The following PTPRO variants were observed in gnomAD, a reference collection of about 807,000 sequenced individuals.
PTPRO encodes the protein protein tyrosine phosphatase receptor type O, also known as receptor-type tyrosine-protein phosphatase O.
In PTPRO, 62 loss-of-function variants were observed where a neutral mutation model predicts 145.2. That is an observed-to-expected ratio of 0.43 (90% CI 0.35 to 0.53). The LOEUF is 0.53. Among genes scored for constraint, PTPRO ranks in the 20% least tolerant of loss-of-function variants. The pLI is 0.01. For missense variants in PTPRO, 1,345 were observed against 1,482.7 expected, an observed-to-expected ratio of 0.91 and a Z score of 1.53; for synonymous variants, 565 against 514.7, an observed-to-expected ratio of 1.10 and a Z score of -1.32.
chr12:15,405,181 C>A (rs988646801), intron 1 of PTPRO, among the ~76,000 whole-genome samples: 3 of 152,146 alleles, frequency 2.0e-5, no homozygotes, highest in African/African-American at 7.2e-5. Context: ...TTAAGTAAAT[C>A]TATATTTCTA....
chr12:15,471,606 A>G (rs1941544339), intron 1 of PTPRO, among the ~76,000 whole-genome samples: 1 of 152,210 alleles, frequency 6.6e-6, no homozygotes, highest in African/African-American at 2.4e-5. Flanking sequence ...TTATGTCATC[A>G]TCATCATCTT....
chr12:15,507,646 C>T (rs747344183), intron 6 of PTPRO, among the ~76,000 whole-genome samples: 3 of 152,094 alleles, frequency 2.0e-5, no homozygotes, highest in African/African-American at 2.4e-5. Flanking sequence ...CAGGAACAAA[C>T]CTATAAATAT....
chr12:15,370,032 A>G (rs1008047466), intron 1 of PTPRO, among the ~76,000 whole-genome samples: 2 of 149,258 alleles, frequency 1.3e-5, no homozygotes, highest in African/African-American at 5.1e-5. Context: ...AGCCTGGGCA[A>G]CAGAGCAAGA....
At chr12:15,551,730 ATATATATTGTTTTTGCACACCTAAGTTG>A in intron 15 of PTPRO, 59 bp downstream of exon 15, 18 of 1,575,866 alleles carry the variant, frequency 1.1e-5, no homozygotes, top group Non-Finnish European at 1.6e-5. Context: ...TATCTGCCAT[ATATATATTGTTTTTGCACACCTAAGTTG>A]TATAGCGGTA....
chr12:15,551,429 G>T (rs1943455982), intron 14 of PTPRO, 122 bp from the exon 15 acceptor site: 1 of 1,263,674 alleles, frequency 7.9e-7, no homozygotes. Context: ...GAACATGATT[G>T]TTACTATTAT....
rs201668779 is a variant in PTPRO, at chr12:15,546,703, C to T, written c.2299C>T (p.Leu767Phe). ...AGTTGGCTCCAGTCAGAAAACCAAA[C>T]TTCAGGTACTGTACCTTTTGATCTA... ...QQVGSSQKTKLQEPVAVSSHV... is the reference protein window; with the variant it reads ...QQVGSSQKTKFQEPVAVSSHV... The change falls in exon 13 of 27, where the codon CTT becomes TTT. Residue 767 changes from leucine (L) to phenylalanine (F), a missense_variant. Coordinates refer to ENST00000281171, the MANE Select transcript of PTPRO (RefSeq NM_030667.3). 6.2e-7 allele frequency: 1 copy of T among 1,613,966 alleles called. No homozygotes were observed. The highest frequency in any genetic ancestry group is 1.7e-5 in the Admixed American group (1 of 59,998).
chr12:15,383,312 A>T (rs1938921648), intron 1 of PTPRO, among the ~76,000 whole-genome samples: 1 of 151,816 alleles, frequency 6.6e-6, no homozygotes, highest in Non-Finnish European at 1.5e-5. Flanking sequence ...TTCTTTTTTA[A>T]GACCAAATAG....
chr12:15,441,506 A>T (rs769894695), intron 1 of PTPRO, among the ~76,000 whole-genome samples: 78 of 152,204 alleles, frequency 5.1e-4, no homozygotes, highest in Non-Finnish European at 1.0e-3. Context: ...AACTAAAATT[A>T]GGGCAGATAT....
At chr12:15,413,520 T>A (rs995321226) in intron 1 of PTPRO, among the ~76,000 whole-genome samples, 5 of 152,132 alleles carry the variant, frequency 3.3e-5, no homozygotes, top group Non-Finnish European at 7.3e-5. Flanking sequence ...TTTAAGATAT[T>A]TTAAAAGATG....
intron 1 of PTPRO, among the ~76,000 whole-genome samples, chr12:15,352,665 A>AAAAG (rs1476348975): frequency 1.1e-4 from 10 of 95,018 alleles, no homozygotes; most frequent in Non-Finnish European, 1.1e-4. Context: ...AAAAAAAAAA[A>AAAAG]AAAGAAAGAA....
At chr12:15,495,160 T>C (rs1337300453) in intron 2 of PTPRO, among the ~76,000 whole-genome samples, 1 of 151,792 alleles carries the variant, frequency 6.6e-6, no homozygotes, top group Non-Finnish European at 1.5e-5. Flanking sequence ...ATTCAAACCT[T>C]TTAACCAGAC....
chr12:15,399,337 C>T (rs1011002217), intron 1 of PTPRO, among the ~76,000 whole-genome samples: 2 of 152,160 alleles, frequency 1.3e-5, no homozygotes, highest in Non-Finnish European at 2.9e-5. Context: ...TGGTATTGCT[C>T]TGTCACACAT....
In PTPRO at chr12:15,497,385, C is replaced by A; in HGVS notation, c.490C>A (p.Arg164=). ...NISYWEGKDF[R]TMLYKDFFKG... ...TAGCTACTGGGAAGGTAAAGACTTCCGGACAATGCTATATAAAGGTAAGCA... is the reference window on the plus strand; with the variant it reads ...TAGCTACTGGGAAGGTAAAGACTTCAGGACAATGCTATATAAAGGTAAGCA... The change falls in exon 3 of 27, where the codon CGG becomes AGG. Residue 164 remains arginine, a synonymous_variant. Transcript: ENST00000281171. The A allele has an allele frequency of 6.2e-7, 1 of 1,613,332 alleles. No homozygotes were observed. The highest frequency in any genetic ancestry group is 1.3e-5 in the African/African-American group (1 of 75,010).
chr12:15,355,482 A>G (rs770755782), intron 1 of PTPRO, among the ~76,000 whole-genome samples: 19 of 152,082 alleles, frequency 1.2e-4, no homozygotes, highest in Non-Finnish European at 2.4e-4. Flanking sequence ...CCCTTCCAGC[A>G]TGTAAATGCA....
intron 1 of PTPRO, among the ~76,000 whole-genome samples, chr12:15,463,415 G>C (rs778116786): frequency 1.1e-4 from 16 of 152,048 alleles, no homozygotes; most frequent in Non-Finnish European, 1.8e-4. Flanking sequence ...TTTTATCTAT[G>C]ATTTTTTTAA....
chr12:15,414,677 G>T (rs961161684), intron 1 of PTPRO, among the ~76,000 whole-genome samples: 1 of 152,096 alleles, frequency 6.6e-6, no homozygotes, highest in African/African-American at 2.4e-5. Context: ...ACATTCATAA[G>T]TTATCTTTTA....
chr12:15,553,096 G>A (rs775226971), intron 15 of PTPRO, among the ~76,000 whole-genome samples: 1 of 151,908 alleles, frequency 6.6e-6, no homozygotes, highest in East Asian at 1.9e-4. Flanking sequence ...CACCATGCTC[G>A]GCCTCCTTGA....
chr12:15,577,824 A>C (rs754206493), intron 19 of PTPRO, among the ~76,000 whole-genome samples: 21 of 152,004 alleles, frequency 1.4e-4, no homozygotes, highest in East Asian at 5.8e-4. Context: ...AACACCGTTC[A>C]TATAGACCAC....
At chr12:15,530,427 T>C (rs1228436260) in intron 12 of PTPRO, among the ~76,000 whole-genome samples, 1 of 152,202 alleles carries the variant, frequency 6.6e-6, no homozygotes, top group African/African-American at 2.4e-5. Context: ...GGAATACACA[T>C]TGTTTTCACT....
Sources: gnomAD v4.1 joint callset for allele counts (sites outside exome capture counted in the v4.1 genomes callset) on GRCh38, gnomAD v4.1.1 for gene constraint, MANE v1.5 for transcripts, NCBI Gene and HGNC (gene_info 2026-07-23, HGNC 2026-07-21) for gene names.